Variants in RREB1 observed in about 807,000 individuals in gnomAD.
RREB1 encodes the protein ras-responsive element-binding protein 1.
A neutral mutation model predicts 117.8 loss-of-function variants in RREB1; 27 were observed. The observed-to-expected ratio is 0.23, with a 90% CI of 0.17 to 0.32. The LOEUF (loss-of-function observed/expected upper bound fraction) is 0.32. RREB1 is among the 10% of genes least tolerant of loss of function. The pLI is 1.00. For missense variants in RREB1, 2,577 were observed against 2,378.2 expected, an observed-to-expected ratio of 1.08 and a Z score of -1.74; for synonymous variants, 1,298 against 1,026.7, an observed-to-expected ratio of 1.26 and a Z score of -5.05.
chr6:7,173,504 GA>G (rs796789297), intron 1 of RREB1, among the ~76,000 whole-genome samples: 3,400 of 120,086 alleles, frequency 0.028, 105 homozygotes, highest in African/African-American at 0.089. Flanking sequence ...AAAACATGAA[GA>G]AAAAAAAAAA....
At chr6:7,158,698 T>C (rs1763505830) in intron 1 of RREB1, among the ~76,000 whole-genome samples, 1 of 152,232 alleles carries the variant, frequency 6.6e-6, no homozygotes, top group Non-Finnish European at 1.5e-5. Flanking sequence ...GTGGTAAGCT[T>C]ATGGAGTTCC....
chr6:7,143,632 A>G (rs1201092209), intron 1 of RREB1, among the ~76,000 whole-genome samples: 3 of 152,086 alleles, frequency 2.0e-5, no homozygotes, highest in African/African-American at 7.2e-5. Flanking sequence ...TGTGCTTCTA[A>G]CTGAATTCAG....
intron 1 of RREB1, among the ~76,000 whole-genome samples, chr6:7,158,462 C>G (rs972966814): frequency 2.6e-5 from 4 of 152,204 alleles, no homozygotes; most frequent in Non-Finnish European, 4.4e-5. Context: ...TTTGCCCACT[C>G]CACACACACC....
chr6:7,221,429 C>T lies in RREB1; in HGVS notation c.708-5038C>T, dbSNP rs1006689897. Among the ~76,000 whole-genome samples the T allele has an allele frequency of 2.0e-5, 3 of 152,202 alleles. No homozygotes were observed. In the South Asian group the frequency reaches 6.2e-4, roughly 31 times the overall value. On this transcript the variant is annotated intron_variant, in intron 8 of 12. Transcript: ENST00000379938. ...CCTCATGATCCACCCGCCTCGGCCT[C>T]CCAAAGTGCTGGGATTACAGGCGTG...
At chr6:7,117,185 A>T (rs774540031) in intron 1 of RREB1, among the ~76,000 whole-genome samples, 1 of 152,146 alleles carries the variant, frequency 6.6e-6, no homozygotes, top group Non-Finnish European at 1.5e-5. Context: ...ATTTATAAAA[A>T]TAATCATTTT....
chr6:7,147,954 G>T (rs372068928), intron 1 of RREB1, among the ~76,000 whole-genome samples: 13 of 152,128 alleles, frequency 8.5e-5, no homozygotes, highest in African/African-American at 3.1e-4. Flanking sequence ...GACACTGCTG[G>T]ATTGCCAATT....
At chr6:7,238,865 C>T (rs1382984295) in intron 10 of RREB1, among the ~76,000 whole-genome samples, 1 of 152,226 alleles carries the variant, frequency 6.6e-6, no homozygotes, top group South Asian at 2.1e-4. Context: ...TCTTTTAGCT[C>T]AGGAGGGAAT....
intron 4 of RREB1, among the ~76,000 whole-genome samples, chr6:7,182,874 G>A (rs1764880122): frequency 6.6e-6 from 1 of 152,166 alleles, no homozygotes; most frequent in East Asian, 1.9e-4. Flanking sequence ...TGGAGAGAAG[G>A]TGGTCTTGCA....
chr6:7,126,158 C>A lies in RREB1; in HGVS notation c.-285+18098C>A, dbSNP rs1268042557. On this transcript the variant is annotated intron_variant, in intron 1 of 12. Coordinates refer to ENST00000379938, the MANE Select transcript of RREB1 (RefSeq NM_001003699.4). ...CTGGGATTACAGGTGCGCACCACCA[C>A]ACCCAGCTAATTTTTGTATTTTTAG... Among the ~76,000 whole-genome samples the A allele has an allele frequency of 2.0e-5, 3 of 152,210 alleles. No homozygotes were observed. In the South Asian group the frequency reaches 6.2e-4, roughly 32 times the overall value.
intron 4 of RREB1, chr6:7,184,987 T>C (rs559820807): frequency 6.6e-6 from 1 of 152,348 alleles, no homozygotes; most frequent in African/African-American, 2.4e-5. Flanking sequence ...CTCCTTGTTA[T>C]GTCTTACTTT....
At chr6:7,114,020 C>T (rs1761269522) in intron 1 of RREB1, among the ~76,000 whole-genome samples, 2 of 152,230 alleles carry the variant, frequency 1.3e-5, no homozygotes, top group Admixed American at 1.3e-4. Context: ...CCTCCATTAC[C>T]TTAGTCAAAT....
intron 1 of RREB1, among the ~76,000 whole-genome samples, chr6:7,136,520 C>A (rs2113370191): frequency 6.6e-6 from 1 of 152,308 alleles, no homozygotes. Context: ...CAGCAACCCG[C>A]TATCCTCAGC....
intron 1 of RREB1, among the ~76,000 whole-genome samples, chr6:7,156,762 A>G (rs1221095854): frequency 6.6e-6 from 1 of 152,236 alleles, no homozygotes; most frequent in Admixed American, 6.5e-5. Context: ...AGCCCTTTGA[A>G]ATAAGACAAT....
In RREB1 at chr6:7,240,487, A is replaced by G; in HGVS notation, c.3858A>G (p.Lys1286=). The change falls in exon 11 of 13, where the codon AAA becomes AAG. Residue 1286 remains lysine, a synonymous_variant. Coordinates refer to ENST00000379938, the MANE Select transcript of RREB1 (RefSeq NM_001003699.4). Reference sequence around the variant, plus strand: ...AATGCGATGCCTTCTTTTCTACCAAATCTAACTGTGAACGCCACCAGTTGC... The same window carrying G: ...AATGCGATGCCTTCTTTTCTACCAAGTCTAACTGTGAACGCCACCAGTTGC... ...CQKCDAFFST[K]SNCERHQLRK... is the part of the protein sequence containing the mutation. 2 of 1,613,976 alleles carry G rather than the reference A, an allele frequency of 1.2e-6. No homozygotes were observed. Among genetic ancestry groups the G allele is most frequent in the Non-Finnish European group, 1.7e-6 (2 of 1,179,952 alleles).
chr6:7,187,604 A>G, intron 5 of RREB1, 81 bp downstream of exon 5: 1 of 639,516 alleles, frequency 1.6e-6, no homozygotes, highest in Non-Finnish European at 2.2e-6. Flanking sequence ...AAGTGCAGTA[A>G]TGAGAAGAGG....
At chr6:7,109,450 C>T (rs1761027543) in intron 1 of RREB1, among the ~76,000 whole-genome samples, 2 of 148,826 alleles carry the variant, frequency 1.3e-5, no homozygotes, top group Non-Finnish European at 3.0e-5. Context: ...TGACCTGCTC[C>T]GCGGCCGCGC....
chr6:7,113,659 G>A lies in RREB1; in HGVS notation c.-285+5599G>A, dbSNP rs963882497. Among the ~76,000 whole-genome samples the A allele has an allele frequency of 2.6e-5, 4 of 152,294 alleles. No individual in the cohort carries two copies. In the East Asian group the frequency reaches 7.7e-4, roughly 29 times the overall value. ...CCCTGTAGAACAGCTGCTTTTTAGA[G>A]TCAGTTTGACCTCAGGAGGACTTAG... On this transcript the variant is annotated intron_variant, in intron 1 of 12. Transcript: ENST00000379938.
chr6:7,156,504 C>T (rs1473723943), intron 1 of RREB1, among the ~76,000 whole-genome samples: 2 of 152,182 alleles, frequency 1.3e-5, no homozygotes, highest in Non-Finnish European at 2.9e-5. Context: ...TGTGGCTCTC[C>T]CAGCCACCTT....
chr6:7,182,144 G>T, intron 4 of RREB1, 62 bp downstream of exon 4: 1 of 1,357,626 alleles, frequency 7.4e-7, no homozygotes, highest in East Asian at 2.4e-5. Context: ...ATTGGGAGAT[G>T]TTTCCGAGTT....
Sources: allele counts gnomAD v4.1 joint callset (sites outside exome capture counted in the v4.1 genomes callset), GRCh38; gene constraint gnomAD v4.1.1; transcripts MANE v1.5; gene names NCBI Gene and HGNC (gene_info 2026-07-23, HGNC 2026-07-21).